The following PDZD8 variants were observed in gnomAD, a reference collection of about 807,000 sequenced individuals.
The protein encoded by PDZD8 is PDZ domain containing 8.
PDZD8 carries 14 observed loss-of-function variants against 85.8 expected under a neutral mutation model. The ratio of observed to expected loss-of-function variants is 0.16; its 90% CI spans 0.11 to 0.26. PDZD8 has a LOEUF of 0.26. PDZD8 is among the 10% of genes least tolerant of loss of function. The probability of loss-of-function intolerance (pLI) is 1.00; values close to 1 mark genes in which losing one functional copy is unlikely to be tolerated. For synonymous variants in PDZD8, 592 were observed against 568.6 expected (o/e 1.04, Z -0.59); for missense variants, 1,197 against 1,424.3 (o/e 0.84, Z 2.57).
In PDZD8 at chr10:117,374,592, G is replaced by A. The variant is rs1219224904; in HGVS notation, c.636C>T (p.Phe212=). 6.3e-7 allele frequency: 1 copy of A among 1,591,866 alleles called. No homozygotes were observed. Among genetic ancestry groups the A allele is most frequent in the Non-Finnish European group, 8.6e-7 (1 of 1,168,702 alleles). Residue 212 remains phenylalanine (F), a synonymous_variant, in exon 1 of 5, where the codon TTC becomes TTT. Transcript: ENST00000334464. The surrounding 1 kb of genome is among the most constrained non-coding windows in gnomAD (Gnocchi z 7.8). ...TGACAAACAAGTAGGCGGACTTGCC[G>A]AAGACCAGGTCCACGTCGATGGCCA... ...FHLAIDVDLV[F]GKSAYLFVKL...
chr10:117,359,184 G>A (rs1844952033), intron 1 of PDZD8, among the ~76,000 whole-genome samples: 1 of 152,090 alleles, frequency 6.6e-6, no homozygotes, highest in African/African-American at 2.4e-5. Context: ...GGAGGCCGAG[G>A]TAAGTGGATG....
chr10:117,285,451 G>A lies in PDZD8; in HGVS notation c.1282C>T (p.Leu428=), dbSNP rs1177368441. 6.3e-7 allele frequency: 1 copy of A among 1,586,334 alleles called. No individual in the cohort carries two copies. The highest frequency in any genetic ancestry group is 1.1e-5 in the South Asian group (1 of 87,652). ...TGCTTGATAAGCTTCAACACTTGCAGTGTTGATGTGATTTTCACACCTGGT... is the reference window on the plus strand; with the variant it reads ...TGCTTGATAAGCTTCAACACTTGCAATGTTGATGTGATTTTCACACCTGGT... The part of the protein sequence containing the change: ...AIGGVKITST[L]QVLKLIKQAG... Residue 428 remains leucine (L), a synonymous_variant, in exon 5 of 5, where the codon CTG becomes TTG. Coordinates refer to ENST00000334464, the MANE Select transcript of PDZD8 (RefSeq NM_173791.5).
chr10:117,355,869 T>G (rs1844884549), intron 1 of PDZD8, among the ~76,000 whole-genome samples: 2 of 152,272 alleles, frequency 1.3e-5, no homozygotes, highest in South Asian at 4.1e-4. Context: ...ACTACAATAC[T>G]TACATTTTTC....
At chr10:117,287,120 T>G (rs960834562) in intron 4 of PDZD8, among the ~76,000 whole-genome samples, 11 of 152,324 alleles carry the variant, frequency 7.2e-5, no homozygotes, top group Admixed American at 1.3e-4. Context: ...AAAATATCCC[T>G]CTATCTGTAT....
In PDZD8 at chr10:117,375,265, C is replaced by CCACAGCGCCGCTTTCTT. The variant is rs1845284295; in HGVS notation, c.-55_-39dup. On this transcript the variant is annotated 5_prime_UTR_variant, in exon 1 of 5. It introduces an in-frame stop codon into an upstream open reading frame of the 5' UTR. Coordinates refer to ENST00000334464, the MANE Select transcript of PDZD8 (RefSeq NM_173791.5). ...TCCGCCCGGGCCCCTACTCCCGCGCCCACAGCGCCGCTTTCTTCACGCCGC... is the reference window on the plus strand; with the variant it reads ...TCCGCCCGGGCCCCTACTCCCGCGCCCACAGCGCCGCTTTCTTCACAGCGCCGCTTTCTTCACGCCGC... The CCACAGCGCCGCTTTCTT allele has an allele frequency of 7.0e-7, 1 of 1,424,454 alleles. No homozygotes were observed. Among genetic ancestry groups the CCACAGCGCCGCTTTCTT allele is most frequent in the Non-Finnish European group, 9.2e-7 (1 of 1,092,578 alleles). 88.2% of individuals were successfully genotyped at this position (1,424,454 alleles called of 1,614,324 possible).
intron 1 of PDZD8, among the ~76,000 whole-genome samples, chr10:117,354,458 T>C (rs915143541): frequency 2.6e-5 from 4 of 152,308 alleles, no homozygotes; most frequent in South Asian, 2.1e-4. Context: ...AAGGCCCTCA[T>C]TCTGTTCCTT....
intron 1 of PDZD8, among the ~76,000 whole-genome samples, chr10:117,355,317 C>T (rs1844875209): frequency 6.6e-6 from 1 of 152,142 alleles, no homozygotes; most frequent in Non-Finnish European, 1.5e-5. Flanking sequence ...CCTCTACCAT[C>T]TGGTAATTGT....
chr10:117,375,047 A>G lies in PDZD8; in HGVS notation c.181T>C (p.Tyr61His). The G allele has an allele frequency of 6.3e-7, 1 of 1,597,922 alleles. No homozygotes were observed. Among genetic ancestry groups the G allele is most frequent in the South Asian group, 1.1e-5 (1 of 89,892 alleles). ...VPGLLLREYLYGGGRDEEPSG... is the reference protein window; with the variant it reads ...VPGLLLREYLHGGGRDEEPSG... ...GGCTCCTCATCCCGGCCGCCGCCAT[A>G]AAGGTACTCCCTTAGGAGCAGGCCC... The change falls in exon 1 of 5, where the codon TAT (tyrosine) becomes CAT (histidine). Residue 61 changes from tyrosine to histidine, a missense_variant. This residue lies in a region of PDZD8 where 172 missense variants were observed against 137.8 expected (regional missense o/e 1.25). Coordinates refer to ENST00000334464, the MANE Select transcript of PDZD8 (RefSeq NM_173791.5).
intron 1 of PDZD8, among the ~76,000 whole-genome samples, chr10:117,353,852 T>C (rs1405239241): frequency 6.6e-6 from 1 of 152,188 alleles, no homozygotes; most frequent in Non-Finnish European, 1.5e-5. Flanking sequence ...TTGTTCTGTA[T>C]ACTAAAACAA....
At position 117,306,781 on chromosome 10, in the gene PDZD8, C is replaced by T. The variant is rs578117579; in HGVS notation, c.1098+12091G>A. Among the ~76,000 whole-genome samples the T allele has an allele frequency of 5.9e-5, 9 of 152,066 alleles. No homozygotes were observed. The East Asian group carries it at 1.7e-3, about 29-fold the overall frequency. ...CCCATTTATCCTAAACCCAGATTTT[C>T]CAATTATTAACATTTTGCCACATTT... On this transcript the variant is annotated intron_variant, in intron 3 of 4. Transcript: ENST00000334464.
chr10:117,372,845 G>C (rs954424441), intron 1 of PDZD8, among the ~76,000 whole-genome samples: 2 of 152,128 alleles, frequency 1.3e-5, no homozygotes, highest in African/African-American at 4.8e-5. Flanking sequence ...TAATTGGTAA[G>C]GTACATCTGC....
chr10:117,362,305 AT>A (rs1845012753), intron 1 of PDZD8, among the ~76,000 whole-genome samples: 1 of 152,158 alleles, frequency 6.6e-6, no homozygotes, highest in Admixed American at 6.5e-5. Context: ...AGCAAAGTGA[AT>A]AAATAATGCC....
Position 117,292,023 on chromosome 10 carries a change from A to T in PDZD8, c.1099-1675T>A, listed in dbSNP as rs965578790. ...CATGAGGGACTTTGCCAAATACCCT[A>T]ATATCCAAATATATCACTGGCTGCA... On this transcript the variant is annotated intron_variant, in intron 3 of 4. Coordinates refer to ENST00000334464, the MANE Select transcript of PDZD8 (RefSeq NM_173791.5). Among the ~76,000 whole-genome samples, 5 of 152,300 alleles carry T rather than the reference A, an allele frequency of 3.3e-5. No homozygotes were observed. In the South Asian group the frequency reaches 1.0e-3, roughly 32 times the overall value.
intron 3 of PDZD8, among the ~76,000 whole-genome samples, chr10:117,302,465 A>G (rs1843862864): frequency 6.6e-6 from 1 of 152,246 alleles, no homozygotes; most frequent in Non-Finnish European, 1.5e-5. Context: ...ATCAACTCCC[A>G]CAGAACTTTT....
Position 117,279,127 on chromosome 10 carries a change from C to T in PDZD8, c.*4141G>A, listed in dbSNP as rs190547930. 245 of 152,290 alleles carry T rather than the reference C, an allele frequency of 1.6e-3. 5 individuals carry two copies. The highest frequency in any genetic ancestry group is 5.5e-3 in the African/African-American group (228 of 41,556). The allele number at this position is 152,290 out of a possible 1,614,324, so 9.4% of individuals were successfully genotyped here. ...TAAGATAAAATATAAATAAAACCTT[C>T]AGAACTGTTTTGGAGCAAAAGATAG... On this transcript the variant is annotated 3_prime_UTR_variant, in exon 5 of 5. Coordinates refer to ENST00000334464, the MANE Select transcript of PDZD8 (RefSeq NM_173791.5).
In PDZD8 at chr10:117,313,607, G is replaced by A. The variant is rs1844075220; in HGVS notation, c.1098+5265C>T. 3.3e-5 allele frequency among the ~76,000 whole-genome samples: 5 copies of A among 152,126 alleles called. No homozygotes were observed. In the South Asian group the frequency reaches 1.0e-3, roughly 31 times the overall value. On this transcript the variant is annotated intron_variant, in intron 3 of 4. Transcript: ENST00000334464. Reference sequence around the variant, plus strand: ...CAAAATATTCTCCTAGGAATTAGATGTTGGGAAACTTTGGTATGGATCTTC... The same window carrying A: ...CAAAATATTCTCCTAGGAATTAGATATTGGGAAACTTTGGTATGGATCTTC...
At position 117,278,184 on chromosome 10, in the gene PDZD8, T is replaced by C. The variant is rs1184796135; in HGVS notation, c.*5084A>G. ...AAACAGCTGCTCTGACTTTAATATC[T>C]GACTATATCTTTGATCTGTTTGCAG... On this transcript the variant is annotated 3_prime_UTR_variant, in exon 5 of 5. Coordinates refer to ENST00000334464, the MANE Select transcript of PDZD8 (RefSeq NM_173791.5). The C allele has an allele frequency of 2.0e-5, 3 of 152,232 alleles. No homozygotes were observed. The highest frequency in any genetic ancestry group is 7.2e-5 in the African/African-American group (3 of 41,468). The allele number at this position is 152,232 out of a possible 1,614,324, so 9.4% of individuals were successfully genotyped here.
At chr10:117,359,438 C>T (rs1388117195) in intron 1 of PDZD8, among the ~76,000 whole-genome samples, 1 of 147,928 alleles carries the variant, frequency 6.8e-6, no homozygotes. Flanking sequence ...AGGCTAGGCA[C>T]GGTGGCTCAT....
intron 1 of PDZD8, among the ~76,000 whole-genome samples, chr10:117,369,936 C>A (rs1356310403): frequency 6.6e-6 from 1 of 152,108 alleles, no homozygotes; most frequent in Non-Finnish European, 1.5e-5. Context: ...TCCAGGAACA[C>A]AAGCATCCGT....
Sources: gnomAD v4.1 joint callset for allele counts (sites outside exome capture counted in the v4.1 genomes callset) on GRCh38, gnomAD v4.1.1 for gene constraint, gnomAD v4.1.1 regional missense constraint, Gnocchi (gnomAD v3.1) non-coding constraint, MANE v1.5 for transcripts, NCBI Gene and HGNC (gene_info 2026-07-23, HGNC 2026-07-21) for gene names.